RAP1GAP2: variants seen among roughly 807,000 people sequenced by gnomAD.
RAP1GAP2 encodes rap1 GTPase-activating protein 2.
A neutral mutation model predicts 95.0 loss-of-function variants in RAP1GAP2; 27 were observed. The ratio of observed to expected loss-of-function variants is 0.28; its 90% CI spans 0.21 to 0.39. The LOEUF (loss-of-function observed/expected upper bound fraction) is 0.39. Ranked by LOEUF, RAP1GAP2 falls within the 10% of genes least tolerant of loss-of-function variation. The probability of loss-of-function intolerance (pLI) is 1.00; values close to 1 mark genes in which losing one functional copy is unlikely to be tolerated. For synonymous variants in RAP1GAP2, 373 were observed against 380.9 expected (o/e 0.98, Z 0.24); for missense variants, 771 against 970.0 (o/e 0.79, Z 2.72).
chr17:2,947,631 C>T (rs573194083), intron 3 of RAP1GAP2, among the ~76,000 whole-genome samples: 6 of 152,228 alleles, frequency 3.9e-5, no homozygotes, highest in African/African-American at 9.6e-5. Flanking sequence ...GCTCTGCCCT[C>T]GAGGACCTTC....
intron 1 of RAP1GAP2, among the ~76,000 whole-genome samples, chr17:2,767,819 G>A (rs1316186532): frequency 1.3e-5 from 2 of 149,768 alleles, no homozygotes; most frequent in African/African-American, 2.5e-5. Flanking sequence ...TGCAAGCTCC[G>A]CCTCCCAGGT....
chr17:2,980,482 T>C, intron 9 of RAP1GAP2, 117 bp downstream of exon 9: 1 of 1,033,626 alleles, frequency 9.7e-7, no homozygotes, highest in South Asian at 1.4e-5. Flanking sequence ...GGGAGGCCAC[T>C]TTACTCTTTG....
chr17:3,015,739 C>T lies in RAP1GAP2; in HGVS notation c.1495-2322C>T, dbSNP rs150792530. Among the ~76,000 whole-genome samples, 230 of 152,176 alleles carry T rather than the reference C, an allele frequency of 1.5e-3. 1 individual carries two copies. The highest frequency in any genetic ancestry group is 5.3e-3 in the African/African-American group (220 of 41,522). On this transcript the variant is annotated intron_variant, in intron 17 of 24. Transcript: ENST00000254695. ...GGCTGAGGCAGGAGAATCTCTTGAA[C>T]CTGGGAAGCGGAGGATGCTGTGAGC...
At chr17:3,026,196 G>T (rs887382977) in intron 20 of RAP1GAP2, 75 bp downstream of exon 20, 28 of 1,339,752 alleles carry the variant, frequency 2.1e-5, no homozygotes, top group Non-Finnish European at 2.5e-5. Flanking sequence ...CTCCTGGCCA[G>T]CTGAGAGTGG....
At chr17:2,845,165 C>T (rs958150201) in intron 2 of RAP1GAP2, among the ~76,000 whole-genome samples, 2 of 152,184 alleles carry the variant, frequency 1.3e-5, no homozygotes, top group Non-Finnish European at 2.9e-5. Flanking sequence ...TGTTTTGAGA[C>T]GGAGTCTCAC....
At position 2,870,929 on chromosome 17, in the gene RAP1GAP2, G is replaced by A. The variant is rs1196949137; in HGVS notation, c.81-34355G>A. On this transcript the variant is annotated intron_variant, in intron 2 of 24. Coordinates refer to ENST00000254695, the MANE Select transcript of RAP1GAP2 (RefSeq NM_015085.5). This position sits in a 1 kb window ranked among gnomAD's most constrained non-coding sequence, Gnocchi z 4.4. Reference sequence around the variant, plus strand: ...TGGATCCATGGTTGTAGATCCTTGTGGGCTAAACGTTTCATTTTATTTTAT... The same window carrying A: ...TGGATCCATGGTTGTAGATCCTTGTAGGCTAAACGTTTCATTTTATTTTAT... Among the ~76,000 whole-genome samples, 5 of 152,046 alleles carry A rather than the reference G, an allele frequency of 3.3e-5. No individual in the cohort carries two copies. Among genetic ancestry groups the A allele is most frequent in the Admixed American group, 1.3e-4 (2 of 15,248 alleles).
chr17:2,988,294 C>T (rs2045628564), intron 11 of RAP1GAP2, among the ~76,000 whole-genome samples: 1 of 152,108 alleles, frequency 6.6e-6, no homozygotes, highest in Non-Finnish European at 1.5e-5. Context: ...AGCGAGATCT[C>T]ATGTACCCTT....
Position 2,876,249 on chromosome 17 carries a change from T to C in RAP1GAP2, c.81-29035T>C, listed in dbSNP as rs115691193. 5.5e-3 allele frequency among the ~76,000 whole-genome samples: 834 copies of C among 152,246 alleles called. 10 individuals are homozygous for C. Among genetic ancestry groups the C allele is most frequent in the African/African-American group, 0.019 (800 of 41,538 alleles). On this transcript the variant is annotated intron_variant, in intron 2 of 24. Transcript: ENST00000254695. Reference sequence around the variant, plus strand: ...ACCGCGCCTGGCTACATTGTTTTTATAGATGAAAAGAGTCCAACTCTGTAA... The same window carrying C: ...ACCGCGCCTGGCTACATTGTTTTTACAGATGAAAAGAGTCCAACTCTGTAA...
intron 8 of RAP1GAP2, among the ~76,000 whole-genome samples, chr17:2,977,844 C>A (rs1567848078): frequency 6.8e-6 from 1 of 147,328 alleles, no homozygotes; most frequent in African/African-American, 2.5e-5. Flanking sequence ...AAGGGAAGCA[C>A]AAGAAAATAA....
intron 2 of RAP1GAP2, among the ~76,000 whole-genome samples, chr17:2,872,480 G>T (rs1170679858): frequency 6.6e-6 from 1 of 152,096 alleles, no homozygotes; most frequent in African/African-American, 2.4e-5. Context: ...GGGGGCTTTT[G>T]TTCTTGGTGG....
chr17:2,887,333 C>G (rs1171292761), intron 2 of RAP1GAP2, among the ~76,000 whole-genome samples: 10 of 151,904 alleles, frequency 6.6e-5, no homozygotes, highest in African/African-American at 2.2e-4. Context: ...GCTACTATTA[C>G]AGGCATGAGC....
intron 11 of RAP1GAP2, among the ~76,000 whole-genome samples, 173 bp downstream of exon 11, chr17:2,985,239 T>TA (rs1371298956): frequency 9.9e-5 from 15 of 151,806 alleles, no homozygotes; most frequent in Admixed American, 6.6e-4. Context: ...CCAGCAAGGG[T>TA]ACTTCTTACA....
chr17:2,882,273 T>C (rs1038464824), intron 2 of RAP1GAP2, among the ~76,000 whole-genome samples: 1 of 150,850 alleles, frequency 6.6e-6, no homozygotes, highest in African/African-American at 2.4e-5. Context: ...ATTACAGGTG[T>C]GCACCACCAC....
At position 2,995,327 on chromosome 17, in the gene RAP1GAP2, T is replaced by C. The variant is rs780731411; in HGVS notation, c.915-10T>C. 6 of 1,612,800 alleles carry C rather than the reference T, an allele frequency of 3.7e-6. No individual in the cohort carries two copies. The highest frequency in any genetic ancestry group is 1.7e-4 in the Middle Eastern group (1 of 6,056). On this transcript the variant is annotated splice_polypyrimidine_tract_variant and intron_variant, in intron 12 of 24. Coordinates refer to ENST00000254695, the MANE Select transcript of RAP1GAP2 (RefSeq NM_015085.5). ...TTTTCTCCCCATCTCCTGCCCTGTT[T>C]TGTTGACAGTTTCCGAGGAGGCCTG...
Position 2,963,303 on chromosome 17 carries a change from C to A in RAP1GAP2, c.247-127C>A. ...ATTCCAGAGCTGATTCTGAGCTGTT[C>A]TTCCATCGAATGTTCCTCCCTCAAA... On this transcript the variant is annotated intron_variant, in intron 5 of 24. Transcript: ENST00000254695. The surrounding 1 kb of genome is among the most constrained non-coding windows in gnomAD (Gnocchi z 4.8). The A allele has an allele frequency of 9.4e-7, 1 of 1,060,822 alleles. No homozygotes were observed. Among genetic ancestry groups the A allele is most frequent in the Non-Finnish European group, 1.5e-6 (1 of 684,580 alleles). 65.7% of individuals were successfully genotyped at this position (1,060,822 alleles called of 1,614,324 possible).
chr17:2,897,084 C>T (rs983363105), intron 2 of RAP1GAP2, among the ~76,000 whole-genome samples: 2 of 152,332 alleles, frequency 1.3e-5, no homozygotes, highest in Admixed American at 1.3e-4. Flanking sequence ...CGCCTATAAT[C>T]CCAGCGCTTT....
chr17:2,950,571 C>T (rs1390170798), intron 3 of RAP1GAP2, among the ~76,000 whole-genome samples: 3 of 151,252 alleles, frequency 2.0e-5, no homozygotes, highest in African/African-American at 7.3e-5. Context: ...CCTCATCTGC[C>T]TAAGAGCGCT....
intron 3 of RAP1GAP2, among the ~76,000 whole-genome samples, chr17:2,937,880 TG>T (rs1183826415): frequency 6.6e-6 from 1 of 152,198 alleles, no homozygotes; most frequent in Non-Finnish European, 1.5e-5. Flanking sequence ...CTTCTCTGCC[TG>T]GCCTCGATTA....
At chr17:2,893,709 G>T (rs1437858541) in intron 2 of RAP1GAP2, among the ~76,000 whole-genome samples, 1 of 152,182 alleles carries the variant, frequency 6.6e-6, no homozygotes, top group Non-Finnish European at 1.5e-5. Flanking sequence ...CCATGACGCT[G>T]CTCCCCCCAT....
Sources: gnomAD v4.1 joint callset for allele counts (sites outside exome capture counted in the v4.1 genomes callset) on GRCh38, gnomAD v4.1.1 for gene constraint, Gnocchi (gnomAD v3.1) non-coding constraint, MANE v1.5 for transcripts, NCBI Gene and HGNC (gene_info 2026-07-23, HGNC 2026-07-21) for gene names.